LMBRD2: variants seen among roughly 807,000 people sequenced by gnomAD.
The protein encoded by LMBRD2 is G protein-coupled receptor-associated protein LMBRD2.
In LMBRD2, 55 loss-of-function variants were observed where a neutral mutation model predicts 94.4. The observed-to-expected ratio is 0.58, with a 90% CI of 0.47 to 0.73. The LOEUF (loss-of-function observed/expected upper bound fraction) is 0.73, where lower values mean the gene tolerates loss of function less well. Ranked by LOEUF, LMBRD2 falls within the 30% of genes least tolerant of loss-of-function variation. The probability of loss-of-function intolerance (pLI) is 0.00; values close to 1 mark genes in which losing one functional copy is unlikely to be tolerated. For missense variants in LMBRD2, 640 were observed against 831.9 expected, an observed-to-expected ratio of 0.77 and a Z score of 2.84; for synonymous variants, 246 against 272.4, an observed-to-expected ratio of 0.90 and a Z score of 0.95.
At chr5:36,124,545 A>G (rs1264043500) in intron 6 of LMBRD2, among the ~76,000 whole-genome samples, 1 of 152,206 alleles carries the variant, frequency 6.6e-6, no homozygotes, top group African/African-American at 2.4e-5. Context: ...AAAGTCCACA[A>G]AAGATCAGAC....
intron 16 of LMBRD2, among the ~76,000 whole-genome samples, chr5:36,108,186 G>T (rs1403735130): frequency 6.6e-6 from 1 of 152,052 alleles, no homozygotes; most frequent in Non-Finnish European, 1.5e-5. Context: ...TTATAAAAAT[G>T]ACCAAATAAC....
intron 13 of LMBRD2, among the ~76,000 whole-genome samples, chr5:36,113,295 C>A (rs1188089176): frequency 1.3e-5 from 2 of 152,080 alleles, no homozygotes; most frequent in East Asian, 3.9e-4. Context: ...GTACCCCCTG[C>A]TTGCTCAATC....
At chr5:36,110,243 A>G (rs1425493570) in intron 14 of LMBRD2, among the ~76,000 whole-genome samples, 4 of 152,046 alleles carry the variant, frequency 2.6e-5, no homozygotes, top group African/African-American at 7.2e-5. Flanking sequence ...CTTTCTCACA[A>G]TGACCTGAAA....
In LMBRD2 at chr5:36,099,008, G is replaced by T. The variant is rs577891221; in HGVS notation, c.*5038C>A. The T allele has an allele frequency of 2.0e-5, 3 of 152,118 alleles. No homozygotes were observed. In the South Asian group the frequency reaches 6.2e-4, roughly 32 times the overall value. 9.4% of individuals were successfully genotyped at this position (152,118 alleles called of 1,614,324 possible). ...AATTTTCTATTTCACCTAATCAACT[G>T]AATTGGATAAAGGCAAAATAACAAG... On this transcript the variant is annotated 3_prime_UTR_variant, in exon 18 of 18. Transcript: ENST00000296603.
intron 6 of LMBRD2, among the ~76,000 whole-genome samples, chr5:36,129,099 T>C: frequency 6.6e-6 from 1 of 152,122 alleles, no homozygotes; most frequent in East Asian, 1.9e-4. Flanking sequence ...GAAAAGTGTC[T>C]ACGAAATCTA....
At chr5:36,150,708 C>T (rs1177413446) in intron 1 of LMBRD2, among the ~76,000 whole-genome samples, 1 of 152,188 alleles carries the variant, frequency 6.6e-6, no homozygotes, top group African/African-American at 2.4e-5. Flanking sequence ...GCACCTAGTT[C>T]CAATCAAAAC....
chr5:36,149,696 C>T (rs1227270636), intron 1 of LMBRD2, among the ~76,000 whole-genome samples: 1 of 152,168 alleles, frequency 6.6e-6, no homozygotes, highest in African/African-American at 2.4e-5. Flanking sequence ...CATCTGAGGT[C>T]GGGAGTTCGA....
chr5:36,117,204 A>G (rs555933043), intron 10 of LMBRD2, among the ~76,000 whole-genome samples: 1 of 152,166 alleles, frequency 6.6e-6, no homozygotes, highest in Non-Finnish European at 1.5e-5. Flanking sequence ...GCATAAATAT[A>G]ATCAAAGTAT....
At chr5:36,148,031 TA>T (rs1744593291) in intron 1 of LMBRD2, 1 of 186,900 alleles carries the variant, frequency 5.4e-6, no homozygotes, top group Admixed American at 6.4e-5. Context: ...ATGTGCAAAA[TA>T]ATAAAAACCA....
intron 6 of LMBRD2, among the ~76,000 whole-genome samples, chr5:36,131,243 C>T (rs1202240351): frequency 6.6e-6 from 1 of 152,060 alleles, no homozygotes; most frequent in African/African-American, 2.4e-5. Flanking sequence ...GCCATATGAG[C>T]ATTCCTATTG....
chr5:36,128,673 C>T (rs1309001918), intron 6 of LMBRD2, among the ~76,000 whole-genome samples: 1 of 152,010 alleles, frequency 6.6e-6, no homozygotes, highest in Non-Finnish European at 1.5e-5. Context: ...TGCAGTGAGC[C>T]AAAATCATGC....
At position 36,113,450 on chromosome 5, in the gene LMBRD2, T is replaced by C. The variant is rs545650007; in HGVS notation, c.1640+974A>G. Among the ~76,000 whole-genome samples, 162 of 152,204 alleles carry C rather than the reference T, an allele frequency of 1.1e-3. 1 individual carries two copies. The highest frequency in any genetic ancestry group is 3.7e-3 in the African/African-American group (153 of 41,532). On this transcript the variant is annotated intron_variant, in intron 13 of 17. Transcript: ENST00000296603. ...AAAGCCCTTTCCTTCTACAACTCGG[T>C]GTCTGAGGGGTTCTTGTCTGCGGCT...
In LMBRD2 at chr5:36,141,628, TA is replaced by T. The variant is rs1466737314; in HGVS notation, c.273-427del. ...TATAGGGGTTGGGAGGGGAAAACAT[TA>T]GGTAATTAATTCCTGAAAATTGTAA... On this transcript the variant is annotated intron_variant, in intron 3 of 17. Coordinates refer to ENST00000296603, the MANE Select transcript of LMBRD2 (RefSeq NM_001007527.2). 2.0e-5 allele frequency among the ~76,000 whole-genome samples: 3 copies of T among 152,172 alleles called. No homozygotes were observed. In the East Asian group the frequency reaches 5.8e-4, roughly 29 times the overall value.
At chr5:36,106,614 A>G (rs1441543344) in intron 16 of LMBRD2, among the ~76,000 whole-genome samples, 1 of 150,520 alleles carries the variant, frequency 6.6e-6, no homozygotes, top group Non-Finnish European at 1.5e-5. Flanking sequence ...AGTTCAAGTA[A>G]TTCTCCCATT....
chr5:36,143,040 T>TA, intron 2 of LMBRD2, 136 bp downstream of exon 2: 1 of 701,992 alleles, frequency 1.4e-6, no homozygotes, highest in Non-Finnish European at 2.3e-6. Context: ...CTATGCTTTT[T>TA]AATGATCAAA....
intron 15 of LMBRD2, among the ~76,000 whole-genome samples, chr5:36,109,607 A>G (rs1743555391): frequency 6.6e-6 from 1 of 152,086 alleles, no homozygotes; most frequent in South Asian, 2.1e-4. Flanking sequence ...AAAAAAGAGA[A>G]ACAATTTTAA....
intron 3 of LMBRD2, 59 bp downstream of exon 3, chr5:36,142,442 CA>C: frequency 1.0e-6 from 1 of 975,122 alleles, no homozygotes; most frequent in Admixed American, 2.0e-5. Context: ...TAAAAACTTT[CA>C]ATTTTTAAAC....
At chr5:36,125,363 G>A (rs1032763421) in intron 6 of LMBRD2, among the ~76,000 whole-genome samples, 5 of 152,062 alleles carry the variant, frequency 3.3e-5, no homozygotes, top group Non-Finnish European at 7.4e-5. Flanking sequence ...AACTCAAGGC[G>A]GAGAAGCCAT....
intron 6 of LMBRD2, among the ~76,000 whole-genome samples, chr5:36,126,325 G>T (rs1744006867): frequency 6.6e-6 from 1 of 152,020 alleles, no homozygotes; most frequent in African/African-American, 2.4e-5. Context: ...TAAAAAACAA[G>T]TACTGAAACA....
Sources: gnomAD v4.1 joint callset for allele counts (sites outside exome capture counted in the v4.1 genomes callset) on GRCh38, gnomAD v4.1.1 for gene constraint, MANE v1.5 for transcripts, NCBI Gene and HGNC (gene_info 2026-07-23, HGNC 2026-07-21) for gene names.